Variants in STK38L observed in about 807,000 individuals in gnomAD.
STK38L encodes serine/threonine kinase 38 like, also known as serine/threonine-protein kinase 38-like.
Under a neutral mutation model 59.7 loss-of-function variants are expected in STK38L, and 28 were observed. The observed-to-expected ratio is 0.47, with a 90% confidence interval of 0.35 to 0.64. STK38L has a LOEUF of 0.64. Among genes scored for constraint, STK38L ranks in the 30% least tolerant of loss-of-function variants. The pLI is 0.01. For synonymous variants in STK38L, 162 were observed against 176.8 expected (o/e 0.92, Z 0.66); for missense variants, 314 against 555.8 (o/e 0.56, Z 4.37).
intron 1 of STK38L, among the ~76,000 whole-genome samples, chr12:27,295,675 G>T (rs1022114290): frequency 2.0e-5 from 3 of 152,148 alleles, no homozygotes; most frequent in Non-Finnish European, 4.4e-5. Flanking sequence ...TCCTGGTTTG[G>T]TGGAGTAACT....
chr12:27,288,314 C>T (rs1173182042), intron 1 of STK38L, among the ~76,000 whole-genome samples: 1 of 152,104 alleles, frequency 6.6e-6, no homozygotes, highest in Non-Finnish European at 1.5e-5. Context: ...TTATTTTAAA[C>T]TTTAAATTTC....
intron 1 of STK38L, among the ~76,000 whole-genome samples, chr12:27,252,982 CAG>C (rs1943009531): frequency 6.6e-6 from 1 of 152,100 alleles, no homozygotes; most frequent in Admixed American, 6.6e-5. Context: ...GTAATTCAAA[CAG>C]AAAGTGACAA....
chr12:27,253,597 C>T (rs1214798762), intron 1 of STK38L, among the ~76,000 whole-genome samples: 2 of 152,132 alleles, frequency 1.3e-5, no homozygotes, highest in African/African-American at 4.8e-5. Context: ...GAAATAGCTG[C>T]AATCAGGCAT....
intron 9 of STK38L, among the ~76,000 whole-genome samples, chr12:27,315,623 AC>A (rs1643926727): frequency 1.3e-5 from 2 of 152,176 alleles, no homozygotes; most frequent in South Asian, 4.1e-4. Flanking sequence ...AATAAAACTC[AC>A]TGAGGTGAAT....
In STK38L at chr12:27,308,590, C is replaced by T. The variant is rs1944372343; in HGVS notation, c.309+129C>T. On this transcript the variant is annotated intron_variant, in intron 4 of 13. Transcript: ENST00000389032. This position sits in a 1 kb window ranked among gnomAD's most constrained non-coding sequence, Gnocchi z 4.5. Reference sequence around the variant, plus strand: ...CTGTAATCCCAATACTTTGGGAGGCCGAGGCGGGTGGATCGCCTGAGGTCA... The same window carrying T: ...CTGTAATCCCAATACTTTGGGAGGCTGAGGCGGGTGGATCGCCTGAGGTCA... 5.0e-6 allele frequency: 5 copies of T among 1,004,568 alleles called. 1 individual carries two copies. The highest frequency in any genetic ancestry group is 2.8e-5 in the South Asian group (1 of 35,934). The allele number at this position is 1,004,568 out of a possible 1,614,324, so 62.2% of individuals were successfully genotyped here. A position where few individuals can be genotyped will look rare whatever the true frequency, so the allele number is the denominator to read the frequency against.
intron 1 of STK38L, among the ~76,000 whole-genome samples, chr12:27,264,735 A>G (rs1055660891): frequency 2.2e-4 from 34 of 152,252 alleles, no homozygotes; most frequent in African/African-American, 7.7e-4. Flanking sequence ...TTATATGCCA[A>G]TACTACACTA....
intron 5 of STK38L, among the ~76,000 whole-genome samples, chr12:27,312,077 C>T (rs1043026354): frequency 2.0e-5 from 3 of 152,156 alleles, no homozygotes; most frequent in Non-Finnish European, 4.4e-5. Flanking sequence ...GACGGGGTTT[C>T]ACCGTTTTAG....
intron 1 of STK38L, among the ~76,000 whole-genome samples, chr12:27,290,208 C>T (rs1189744593): frequency 2.6e-5 from 4 of 152,140 alleles, no homozygotes; most frequent in African/African-American, 9.7e-5. Context: ...TAAGCATGCA[C>T]ACAAGGTGGC....
intron 1 of STK38L, among the ~76,000 whole-genome samples, chr12:27,277,181 G>A (rs1394260358): frequency 1.3e-5 from 2 of 152,106 alleles, no homozygotes; most frequent in African/African-American, 4.8e-5. Context: ...AGGCATGTGT[G>A]TGAAAACTTC....
At chr12:27,268,995 G>T (rs1466374831) in intron 1 of STK38L, among the ~76,000 whole-genome samples, 1 of 152,142 alleles carries the variant, frequency 6.6e-6, no homozygotes, top group Non-Finnish European at 1.5e-5. Context: ...ATTTGTTTGG[G>T]TTCATTGTAG....
intron 1 of STK38L, among the ~76,000 whole-genome samples, chr12:27,254,899 T>C (rs1396070973): frequency 6.6e-6 from 1 of 152,212 alleles, no homozygotes; most frequent in Non-Finnish European, 1.5e-5. Context: ...ATTTAAGGAT[T>C]AAGTTGAACT....
At chr12:27,252,830 AATC>A (rs1334540893) in intron 1 of STK38L, among the ~76,000 whole-genome samples, 4 of 152,226 alleles carry the variant, frequency 2.6e-5, no homozygotes, top group Admixed American at 2.6e-4. Context: ...TAGTGAGGTT[AATC>A]ATCATAATTC....
chr12:27,319,737 C>T (rs1274574554), intron 12 of STK38L, among the ~76,000 whole-genome samples: 1 of 152,156 alleles, frequency 6.6e-6, no homozygotes, highest in African/African-American at 2.4e-5. Context: ...CATTTTTGTC[C>T]TTGCTGTAAT....
At chr12:27,313,267 T>A (rs145849535) in intron 6 of STK38L, among the ~76,000 whole-genome samples, 1,664 of 100,440 alleles carry the variant, frequency 0.017, 29 homozygotes, top group Non-Finnish European at 0.022. Flanking sequence ...AAAAAAAAAA[T>A]ACCTGAGACT....
chr12:27,286,673 A>G (rs1943780175), intron 1 of STK38L, among the ~76,000 whole-genome samples: 1 of 152,202 alleles, frequency 6.6e-6, no homozygotes, highest in South Asian at 2.1e-4. Flanking sequence ...GGTTATTTGC[A>G]TAGGATAGAC....
intron 1 of STK38L, among the ~76,000 whole-genome samples, chr12:27,258,724 A>T (rs1314468944): frequency 6.6e-6 from 1 of 152,142 alleles, no homozygotes; most frequent in African/African-American, 2.4e-5. Context: ...TCTCTATTAA[A>T]TTTTATTTGT....
intron 1 of STK38L, among the ~76,000 whole-genome samples, chr12:27,293,166 T>C (rs1348365391): frequency 6.6e-6 from 1 of 152,252 alleles, no homozygotes; most frequent in African/African-American, 2.4e-5. Flanking sequence ...GGAATTGTTT[T>C]GAATTCCCTA....
chr12:27,304,845 T>C (rs1944268872), intron 3 of STK38L, among the ~76,000 whole-genome samples: 1 of 152,196 alleles, frequency 6.6e-6, no homozygotes, highest in East Asian at 1.9e-4. Flanking sequence ...TAGGGTTATA[T>C]TCTTTTGATC....
chr12:27,248,484 C>T lies in STK38L; in HGVS notation c.-12+4152C>T, dbSNP rs111567092. Among the ~76,000 whole-genome samples the T allele has an allele frequency of 2.6e-3, 394 of 152,240 alleles. 1 individual carries two copies. The highest frequency in any genetic ancestry group is 9.2e-3 in the African/African-American group (381 of 41,538). On this transcript the variant is annotated intron_variant, in intron 1 of 13. Transcript: ENST00000389032. ...TGTTTAAGAATTGGAATCACAAATT[C>T]AATTGGATTTAAAGGTTAGAAAAAA...
Sources: gnomAD v4.1 joint callset for allele counts (sites outside exome capture counted in the v4.1 genomes callset) on GRCh38, gnomAD v4.1.1 for gene constraint, Gnocchi (gnomAD v3.1) non-coding constraint, MANE v1.5 for transcripts, NCBI Gene and HGNC (gene_info 2026-07-23, HGNC 2026-07-21) for gene names.